NRG3: variants seen among roughly 807,000 people sequenced by gnomAD.
NRG3 encodes the protein pro-neuregulin-3, membrane-bound isoform.
In NRG3, 31 loss-of-function variants were observed where a neutral mutation model predicts 66.9. The ratio of observed to expected loss-of-function variants is 0.46; its 90% confidence interval spans 0.35 to 0.63. The LOEUF (loss-of-function observed/expected upper bound fraction) is 0.63. Ranked by LOEUF, NRG3 falls within the 20% of genes least tolerant of loss-of-function variation. The pLI is 0.00. For missense variants in NRG3, 910 were observed against 878.9 expected (o/e 1.04, Z -0.45); for synonymous variants, 393 against 359.4 (o/e 1.09, Z -1.06).
intron 2 of NRG3, among the ~76,000 whole-genome samples, chr10:82,434,358 T>C (rs1457303642): frequency 6.6e-6 from 1 of 152,138 alleles, no homozygotes; most frequent in Non-Finnish European, 1.5e-5. Flanking sequence ...GCTGAGATGA[T>C]GGGGTTTCCT....
chr10:81,940,372 A>G (rs994063921), intron 1 of NRG3, among the ~76,000 whole-genome samples: 2 of 151,924 alleles, frequency 1.3e-5, no homozygotes, highest in Non-Finnish European at 2.9e-5. Flanking sequence ...TTTTAGAGTC[A>G]GTTTCACTCT....
chr10:82,382,319 T>C (rs1219790692), intron 2 of NRG3, among the ~76,000 whole-genome samples: 2 of 151,958 alleles, frequency 1.3e-5, no homozygotes, highest in Non-Finnish European at 2.9e-5. Flanking sequence ...GTTTTTATAA[T>C]ACTTCCTTTA....
At chr10:81,957,183 GA>G (rs1227044462) in intron 1 of NRG3, among the ~76,000 whole-genome samples, 2 of 152,154 alleles carry the variant, frequency 1.3e-5, no homozygotes, top group Non-Finnish European at 2.9e-5. Flanking sequence ...CTAGGTCCCT[GA>G]ATCACCACAT....
At chr10:82,309,211 G>A (rs7902490) in intron 1 of NRG3, among the ~76,000 whole-genome samples, 24,160 of 152,072 alleles carry the variant, frequency 0.16, 4,423 homozygotes, top group African/African-American at 0.44. Flanking sequence ...TTTAAGCCAC[G>A]ATCGCCCATT....
intron 2 of NRG3, among the ~76,000 whole-genome samples, chr10:82,597,672 C>T (rs2047366843): frequency 6.6e-6 from 1 of 152,170 alleles, no homozygotes; most frequent in Admixed American, 6.5e-5. Flanking sequence ...CCTGTAATCC[C>T]AGCACTTTGG....
intron 1 of NRG3, among the ~76,000 whole-genome samples, chr10:81,895,909 G>A (rs1287388951): frequency 6.6e-6 from 1 of 152,116 alleles, no homozygotes. Context: ...GCCGAGGAGT[G>A]TTTAGATATG....
At chr10:82,340,570 A>AT (rs1224352225) in intron 1 of NRG3, among the ~76,000 whole-genome samples, 1 of 152,220 alleles carries the variant, frequency 6.6e-6, no homozygotes, top group African/African-American at 2.4e-5. Context: ...AGTGATATTC[A>AT]TTTTCATGAA....
intron 3 of NRG3, among the ~76,000 whole-genome samples, chr10:82,744,234 T>C (rs960014947): frequency 3.3e-5 from 5 of 152,180 alleles, no homozygotes; most frequent in African/African-American, 1.2e-4. Flanking sequence ...ATAATAATAA[T>C]CACAGATCCT....
chr10:82,523,542 T>C (rs1426548548), intron 2 of NRG3, among the ~76,000 whole-genome samples: 1 of 152,152 alleles, frequency 6.6e-6, no homozygotes, highest in Non-Finnish European at 1.5e-5. Context: ...TATCGATTCA[T>C]ATCCCTCACT....
At chr10:82,895,101 C>T (rs577488332) in intron 4 of NRG3, among the ~76,000 whole-genome samples, 7 of 152,262 alleles carry the variant, frequency 4.6e-5, no homozygotes, top group Admixed American at 6.5e-5. Context: ...GCATAGTATT[C>T]CACGGTGTAT....
chr10:82,216,106 A>T (rs1343332083), intron 1 of NRG3, among the ~76,000 whole-genome samples: 1 of 146,860 alleles, frequency 6.8e-6, no homozygotes, highest in Non-Finnish European at 1.5e-5. Flanking sequence ...TAGAGTAGCT[A>T]GGATTACAGG....
At chr10:82,338,530 C>T (rs557076294) in intron 1 of NRG3, among the ~76,000 whole-genome samples, 6 of 152,168 alleles carry the variant, frequency 3.9e-5, no homozygotes, top group South Asian at 2.1e-4. Context: ...CCTCACTTTC[C>T]ACCCCAGGAA....
chr10:82,742,610 T>C (rs2058471953), intron 3 of NRG3, among the ~76,000 whole-genome samples: 3 of 152,032 alleles, frequency 2.0e-5, no homozygotes, highest in South Asian at 2.1e-4. Context: ...ATGTAGTGAG[T>C]GACTCAGACT....
rs573075683 is a variant in NRG3, at chr10:82,061,255, G to A, written c.823+185092G>A. 3.9e-5 allele frequency among the ~76,000 whole-genome samples: 6 copies of A among 152,250 alleles called. No homozygotes were observed. The South Asian group carries it at 8.3e-4, about 21-fold the overall frequency. On this transcript the variant is annotated intron_variant, in intron 1 of 8. Coordinates refer to ENST00000372141, the MANE Select transcript of NRG3 (RefSeq NM_001010848.4). The stretch of plus-strand genomic sequence containing the variant: ...AATCCCAACTACTTGGGAGGCTGAG[G>A]CAGAAGAATCCCTTCAGCTCAGGAG...
At chr10:82,473,931 C>G (rs925624848) in intron 2 of NRG3, among the ~76,000 whole-genome samples, 1 of 151,780 alleles carries the variant, frequency 6.6e-6, no homozygotes, top group Admixed American at 6.6e-5. Flanking sequence ...ACAGCTAAGG[C>G]CCAGAGGAGA....
intron 3 of NRG3, among the ~76,000 whole-genome samples, chr10:82,833,228 A>G (rs2062614694): frequency 6.6e-6 from 1 of 152,150 alleles, no homozygotes; most frequent in Admixed American, 6.6e-5. Context: ...CACCCCATTC[A>G]TGTCATCTGT....
At chr10:81,925,781 A>G (rs1330158299) in intron 1 of NRG3, among the ~76,000 whole-genome samples, 2 of 151,810 alleles carry the variant, frequency 1.3e-5, no homozygotes, top group African/African-American at 2.4e-5. Flanking sequence ...TGATTGACAG[A>G]TGGATTCCTC....
intron 2 of NRG3, among the ~76,000 whole-genome samples, chr10:82,408,139 G>GAAAGAAAGAAAGAAAGA (rs1554911334): frequency 6.4e-5 from 9 of 140,450 alleles, no homozygotes; most frequent in African/African-American, 2.3e-4. Context: ...AAGAAAGAAA[G>GAAAGAAAGAAAGAAAGA]AAAGAAAAGA....
chr10:82,813,850 CTG>C (rs1373965983), intron 3 of NRG3, among the ~76,000 whole-genome samples: 3 of 152,140 alleles, frequency 2.0e-5, no homozygotes, highest in Non-Finnish European at 2.9e-5. Context: ...TTTAAAGTAA[CTG>C]AGGGCCCAAA....
Sources: gnomAD v4.1 joint callset for allele counts (sites outside exome capture counted in the v4.1 genomes callset) on GRCh38, gnomAD v4.1.1 for gene constraint, MANE v1.5 for transcripts, NCBI Gene and HGNC (gene_info 2026-07-23, HGNC 2026-07-21) for gene names.